Variants in ASIC2 observed in about 807,000 individuals in gnomAD.
The protein encoded by ASIC2 is acid sensing ion channel subunit 2.
A neutral mutation model predicts 57.3 loss-of-function variants in ASIC2; 25 were observed. The observed-to-expected ratio is 0.44, with a 90% CI of 0.32 to 0.61. ASIC2 has a LOEUF of 0.61. Among genes scored for constraint, ASIC2 ranks in the 20% least tolerant of loss-of-function variants. The probability of loss-of-function intolerance (pLI) is 0.06; values close to 1 mark genes in which losing one functional copy is unlikely to be tolerated. For synonymous variants in ASIC2, 319 were observed against 307.5 expected (o/e 1.04, Z -0.39); for missense variants, 641 against 738.1 (o/e 0.87, Z 1.52).
intron 1 of ASIC2, among the ~76,000 whole-genome samples, chr17:33,665,180 T>C (rs924239357): frequency 6.6e-6 from 1 of 152,218 alleles, no homozygotes; most frequent in African/African-American, 2.4e-5. Flanking sequence ...TTATTTCCTC[T>C]CTTCCTCATT....
intron 1 of ASIC2, among the ~76,000 whole-genome samples, chr17:33,378,592 G>C (rs1909364991): frequency 6.6e-6 from 1 of 152,236 alleles, no homozygotes; most frequent in South Asian, 2.1e-4. Flanking sequence ...AAGAAGTAAG[G>C]TGGTCAAACT....
intron 1 of ASIC2, among the ~76,000 whole-genome samples, chr17:33,266,348 A>G (rs1323948765): frequency 6.6e-6 from 1 of 152,218 alleles, no homozygotes; most frequent in Non-Finnish European, 1.5e-5. Context: ...GAAGGCATTC[A>G]ATAAATATCT....
chr17:34,031,118 G>A lies in ASIC2; in HGVS notation c.555+124860C>T, dbSNP rs549040264. On this transcript the variant is annotated intron_variant, in intron 1 of 9. Transcript: ENST00000359872. ...CTAACTGGGAGGCACCCCCCAGTAG[G>A]GGCAGACTGACAATTCACATGGCCG... is the stretch of plus-strand genomic sequence containing the variant. Among the ~76,000 whole-genome samples, 12 of 152,268 alleles carry A rather than the reference G, an allele frequency of 7.9e-5. 1 individual carries two copies. The East Asian group carries it at 1.7e-3, about 22-fold the overall frequency.
chr17:34,106,853 TTTAA>T (rs1176872653), intron 1 of ASIC2, among the ~76,000 whole-genome samples: 2 of 152,214 alleles, frequency 1.3e-5, no homozygotes, highest in Non-Finnish European at 2.9e-5. Context: ...TCCTAGTTTC[TTTAA>T]TTGAGAAATG....
At chr17:33,624,931 A>G (rs1233066075) in intron 1 of ASIC2, among the ~76,000 whole-genome samples, 1 of 152,220 alleles carries the variant, frequency 6.6e-6, no homozygotes, top group East Asian at 1.9e-4. Flanking sequence ...TTAACTAAAT[A>G]CCTATCTTCA....
At chr17:33,930,707 G>A (rs938031991) in intron 1 of ASIC2, among the ~76,000 whole-genome samples, 2 of 152,316 alleles carry the variant, frequency 1.3e-5, no homozygotes, top group South Asian at 4.1e-4. Context: ...GGGGTGTGTC[G>A]AAGTGAGCTT....
intron 1 of ASIC2, among the ~76,000 whole-genome samples, chr17:33,532,635 T>C (rs1189778117): frequency 6.6e-6 from 1 of 152,212 alleles, no homozygotes; most frequent in East Asian, 1.9e-4. Context: ...GGAAACCATA[T>C]AATCTGTCAT....
rs1474660921 is a variant in ASIC2 at position 33,137,768 on chromosome 17, T to C, written c.709-25701A>G. On this transcript the variant is annotated intron_variant, in intron 1 of 9. Transcript: ENST00000225823. ...GCAGGAATAGAGTACATGGAGGTGA[T>C]ATGGGACAGAGCACTGAAAGCATCT... Among the ~76,000 whole-genome samples the C allele has an allele frequency of 5.3e-5, 8 of 152,176 alleles. No individual in the cohort carries two copies. In the East Asian group the frequency reaches 1.5e-3, roughly 29 times the overall value.
At chr17:33,849,678 A>G (rs1913711557) in intron 1 of ASIC2, among the ~76,000 whole-genome samples, 1 of 152,186 alleles carries the variant, frequency 6.6e-6, no homozygotes, top group African/African-American at 2.4e-5. Context: ...GGGGAACTGC[A>G]AATATTCTGG....
At position 33,150,334 on chromosome 17, in the gene ASIC2, C is replaced by T. The variant is rs111859884; in HGVS notation, c.709-38267G>A. 3.6e-3 allele frequency among the ~76,000 whole-genome samples: 550 copies of T among 152,286 alleles called. 5 individuals carry two copies. The highest frequency in any genetic ancestry group is 0.012 in the African/African-American group (495 of 41,546). On this transcript the variant is annotated intron_variant, in intron 1 of 9. Transcript: ENST00000225823. ...AGTACAGGTGCACATTTCTTTGGCA[C>T]GGATGCCCTACTTGCTGTTCAGGGA... is the stretch of plus-strand genomic sequence containing the variant.
At chr17:34,152,738 G>A (rs569031416) in intron 1 of ASIC2, among the ~76,000 whole-genome samples, 1 of 152,242 alleles carries the variant, frequency 6.6e-6, no homozygotes, top group South Asian at 2.1e-4. Context: ...ATACAACCAG[G>A]GAATAAGAAA....
intron 1 of ASIC2, among the ~76,000 whole-genome samples, chr17:33,122,148 C>T (rs1171251957): frequency 6.6e-6 from 1 of 152,184 alleles, no homozygotes; most frequent in African/African-American, 2.4e-5. Context: ...CATCCACAGT[C>T]TGCTCCCATT....
At chr17:33,318,407 C>G (rs1188174062) in intron 1 of ASIC2, among the ~76,000 whole-genome samples, 2 of 152,094 alleles carry the variant, frequency 1.3e-5, no homozygotes, top group Non-Finnish European at 2.9e-5. Context: ...GATTTGGTGC[C>G]AAAATAAGGT....
At chr17:33,937,776 C>A (rs1322645893) in intron 1 of ASIC2, among the ~76,000 whole-genome samples, 1 of 152,144 alleles carries the variant, frequency 6.6e-6, no homozygotes, top group Non-Finnish European at 1.5e-5. Flanking sequence ...ATATTTAATT[C>A]ATTGAGAGTT....
intron 1 of ASIC2, among the ~76,000 whole-genome samples, chr17:33,179,086 AGCCATTAATGGG>A (rs1439259506): frequency 6.6e-6 from 1 of 152,208 alleles, no homozygotes; most frequent in Non-Finnish European, 1.5e-5. Context: ...CTTTACGCAC[AGCCATTAATGGG>A]GATTGGTGGA....
At chr17:34,037,563 C>T in intron 1 of ASIC2, 9 of 1,409,464 alleles carry the variant, frequency 6.4e-6, no homozygotes, top group Non-Finnish European at 7.7e-6. Context: ...AAACCCGCTG[C>T]TGAACGCCAT....
At chr17:33,145,648 C>CT (rs533388037) in intron 1 of ASIC2, among the ~76,000 whole-genome samples, 7 of 152,154 alleles carry the variant, frequency 4.6e-5, no homozygotes, top group Non-Finnish European at 1.0e-4. Flanking sequence ...TTTATTTTAA[C>CT]TTTTTTTGAA....
At chr17:33,795,900 A>AC (rs1911901478) in intron 1 of ASIC2, among the ~76,000 whole-genome samples, 1 of 152,260 alleles carries the variant, frequency 6.6e-6, no homozygotes, top group Non-Finnish European at 1.5e-5. Context: ...TTGAAGTTAA[A>AC]CAACAACAAA....
chr17:34,041,600 T>C (rs1185539985), intron 1 of ASIC2, among the ~76,000 whole-genome samples: 1 of 152,200 alleles, frequency 6.6e-6, no homozygotes, highest in African/African-American at 2.4e-5. Flanking sequence ...CCTCATATGG[T>C]GTCAGAGAAG....
Sources: allele counts gnomAD v4.1 joint callset (sites outside exome capture counted in the v4.1 genomes callset), GRCh38; gene constraint gnomAD v4.1.1; transcripts MANE v1.5; gene names NCBI Gene and HGNC (gene_info 2026-07-23, HGNC 2026-07-21).